The following C2orf81 variants were observed in gnomAD, a reference collection of about 807,000 sequenced individuals.
C2orf81 encodes the protein uncharacterized protein C2orf81.
Under a neutral mutation model 7.9 loss-of-function variants are expected in C2orf81, and 5 were observed. The observed-to-expected ratio is 0.63, with a 90% CI of 0.33 to 1.33. C2orf81 has a LOEUF of 1.33. Among genes scored for constraint, C2orf81 ranks in the 40% most tolerant of loss-of-function variants. The pLI, the probability that C2orf81 is intolerant of heterozygous loss-of-function variation, is 0.05. For missense variants in C2orf81, 781 were observed against 830.4 expected (o/e 0.94, Z 0.73); for synonymous variants, 346 against 367.4 (o/e 0.94, Z 0.66).
At chr2:74,417,987 G>T in intron 1 of C2orf81, 1 of 492,916 alleles carries the variant, frequency 2.0e-6, no homozygotes. Flanking sequence ...GTGTTGTGTA[G>T]TGTGGTGGTG....
rs1365502887 is a variant in C2orf81 at position 74,414,746 on chromosome 2, G to A, written c.1431C>T (p.Ile477=). Residue 477 remains isoleucine, a synonymous_variant, in exon 3 of 3, where the codon ATC becomes ATT. Coordinates refer to ENST00000684111, the MANE Select transcript of C2orf81 (RefSeq NM_001316764.3). The surrounding 1 kb of genome is among the most constrained non-coding windows in gnomAD (Gnocchi z 5.3). ...GCACCGGGTGTGTGGTGAGGAAGCG[G>A]ATCCTGGAGTTTGGGAGTGGCAGCT... is the stretch of plus-strand genomic sequence containing the variant. ...ESKLPLPNSR[I]RFLTTHPVLP... The A allele has an allele frequency of 1.3e-6, 2 of 1,550,550 alleles. No individual in the cohort carries two copies. The highest frequency in any genetic ancestry group is 2.7e-5 in the African/African-American group (2 of 73,048).
chr2:74,416,459 G>T, intron 1 of C2orf81: 1 of 335,308 alleles, frequency 3.0e-6, no homozygotes, highest in Non-Finnish European at 5.8e-6. Context: ...AAACTGAAGT[G>T]GGGAGGCTGA....
At chr2:74,420,356 G>A (rs1040345995) in intron 1 of C2orf81, among the ~76,000 whole-genome samples, 6 of 151,688 alleles carry the variant, frequency 4.0e-5, no homozygotes, top group African/African-American at 1.5e-4. Context: ...CAATCTCTTG[G>A]GAGCTCCCTC....
chr2:74,415,021 C>T lies in C2orf81; in HGVS notation c.1156G>A (p.Val386Met), dbSNP rs759661790. The T allele has an allele frequency of 2.1e-5, 33 of 1,548,736 alleles. 2 individuals are homozygous for T. In the South Asian group the frequency reaches 3.9e-4, roughly 18 times the overall value. The change falls in exon 3 of 3, where the codon GTG (valine) becomes ATG (methionine). Residue 386 changes from valine to methionine, a missense_variant. Coordinates refer to ENST00000684111, the MANE Select transcript of C2orf81 (RefSeq NM_001316764.3). The surrounding 1 kb of genome is among the most constrained non-coding windows in gnomAD (Gnocchi z 5.5). ...ACCAGGACCTCAGCCAGAGGGCGCA[C>T]CCAGTGGCACGGGAGCCTCGCAGGG... ...LDPARLPCHW[V>M]RPLAEVLVPD...
rs1157136415 is a variant in C2orf81 at position 74,415,937 on chromosome 2, C to T, written c.250-10G>A. The T allele has an allele frequency of 7.1e-6, 11 of 1,546,248 alleles. No homozygotes were observed. The East Asian group carries it at 2.7e-4, about 38-fold the overall frequency. ...TGGTGAATGGAATGCACTGCGGAGG[C>T]GAGAGAGGATCTCAGGTCGGCAGGG... is the stretch of plus-strand genomic sequence containing the variant. On this transcript the variant is annotated splice_polypyrimidine_tract_variant and intron_variant, in intron 2 of 2. Coordinates refer to ENST00000684111, the MANE Select transcript of C2orf81 (RefSeq NM_001316764.3). This position sits in a 1 kb window ranked among gnomAD's most constrained non-coding sequence, Gnocchi z 5.5.
At position 74,416,037 on chromosome 2, in the gene C2orf81, C is replaced by G; in HGVS notation, c.223G>C (p.Ala75Pro). 1 of 1,549,976 alleles carries G rather than the reference C, an allele frequency of 6.5e-7. No individual in the cohort carries two copies. Among genetic ancestry groups the G allele is most frequent in the Non-Finnish European group, 8.7e-7 (1 of 1,146,824 alleles). ...ADLLARVMDS[A>P]FKVYLTQQCI... Reference sequence around the variant, plus strand: ...TGCTGAGTCAGGTAGACTTTGAAAGCAGAGTCCATGACTCGAGCCAGCAAG... The same window carrying G: ...TGCTGAGTCAGGTAGACTTTGAAAGGAGAGTCCATGACTCGAGCCAGCAAG... The change falls in exon 2 of 3, where the codon GCT (alanine) becomes CCT (proline). Residue 75 changes from alanine (A) to proline (P), a missense_variant. Transcript: ENST00000684111.
At chr2:74,420,873 C>T (rs937256141) in intron 1 of C2orf81, among the ~76,000 whole-genome samples, 3 of 149,958 alleles carry the variant, frequency 2.0e-5, no homozygotes, top group African/African-American at 7.5e-5. Context: ...CTCCGCCTCC[C>T]GAGTTCAAGC....
At position 74,418,549 on chromosome 2, in the gene C2orf81, G is replaced by C. The variant is rs148213870; in HGVS notation, c.19-2308C>G. On this transcript the variant is annotated intron_variant, in intron 1 of 2. Transcript: ENST00000684111. ...TTTGCCGGGAGCAGCGGTGCTGGGCGCTGAGGACAGGCCAGTCTCCACCGC... is the reference window on the plus strand; with the variant it reads ...TTTGCCGGGAGCAGCGGTGCTGGGCCCTGAGGACAGGCCAGTCTCCACCGC... 5,695 of 768,612 alleles carry C rather than the reference G, an allele frequency of 7.4e-3. 32 individuals are homozygous for C. The highest frequency in any genetic ancestry group is 9.6e-3 in the Middle Eastern group (39 of 4,052). The allele number at this position is 768,612 out of a possible 1,614,324, so 47.6% of individuals were successfully genotyped here.
chr2:74,421,508 G>A (rs1676614184), intron 1 of C2orf81, 35 bp downstream of exon 1: 2 of 378,736 alleles, frequency 5.3e-6, no homozygotes, highest in Admixed American at 9.2e-5. Flanking sequence ...GGCCGACCCT[G>A]GCTCTGGCGC....
At chr2:74,420,517 A>C (rs1461275121) in intron 1 of C2orf81, among the ~76,000 whole-genome samples, 3 of 152,156 alleles carry the variant, frequency 2.0e-5, no homozygotes, top group Admixed American at 1.3e-4. Context: ...CTGTTTCCTA[A>C]GTCTTGCAGA....
rs1251299503 is a variant in C2orf81, at chr2:74,416,162, G to T, written c.98C>A (p.Pro33Gln). 6.7e-7 allele frequency: 1 copy of T among 1,495,006 alleles called. No homozygotes were observed. Among genetic ancestry groups the T allele is most frequent in the Non-Finnish European group, 9.0e-7 (1 of 1,111,806 alleles). 92.6% of individuals were successfully genotyped at this position (1,495,006 alleles called of 1,614,324 possible). A position where few individuals can be genotyped will look rare whatever the true frequency, so the allele number is the denominator to read the frequency against. ...EKVRPPTVPV[P>Q]QVDIVPGRLS... ...CCGCCCAGGCACAATATCCACCTGC[G>T]GCACTGGCACAGTGGGCGGCCGCAC... The change falls in exon 2 of 3, where the codon CCG becomes CAG. Residue 33 changes from proline (P) to glutamine (Q), a missense_variant. By Grantham distance (76) the Pro-to-Gln change is moderately conservative. Transcript: ENST00000684111.
At position 74,414,486 on chromosome 2, in the gene C2orf81, G is replaced by C. The variant is rs776687507; in HGVS notation, c.1691C>G (p.Pro564Arg). The C allele has an allele frequency of 3.2e-6, 5 of 1,550,734 alleles. No homozygotes were observed. The highest frequency in any genetic ancestry group is 4.4e-6 in the Non-Finnish European group (5 of 1,146,368). The change falls in exon 3 of 3, where the codon CCA (proline) becomes CGA (arginine). Residue 564 changes from proline (P) to arginine (R), a missense_variant. Coordinates refer to ENST00000684111, the MANE Select transcript of C2orf81 (RefSeq NM_001316764.3). This position sits in a 1 kb window ranked among gnomAD's most constrained non-coding sequence, Gnocchi z 5.3. ...ACCAGGGGCCAGCTTCAGGGCTTCTGGCAGCAACACGGGCTTCCACATCAC... is the reference window on the plus strand; with the variant it reads ...ACCAGGGGCCAGCTTCAGGGCTTCTCGCAGCAACACGGGCTTCCACATCAC... ...SQVMWKPVLL[P>R]EALKLAPGVS...
rs1395671649 is a variant in C2orf81 at position 74,416,136 on chromosome 2, G to A, written c.124C>T (p.Leu42Phe). The change falls in exon 2 of 3, where the codon CTC becomes TTC. Residue 42 changes from leucine (L) to phenylalanine (F), a missense_variant. By Grantham distance (22) the Leu-to-Phe change is conservative. Coordinates refer to ENST00000684111, the MANE Select transcript of C2orf81 (RefSeq NM_001316764.3). ...VPQVDIVPGR[L>F]SEAEWMALTA... is the part of the protein sequence containing the mutation. ...AGCGCCATCCACTCGGCCTCACTGA[G>A]CCGCCCAGGCACAATATCCACCTGC... 3 of 1,522,624 alleles carry A rather than the reference G, an allele frequency of 2.0e-6. No homozygotes were observed. The highest frequency in any genetic ancestry group is 2.4e-5 in the South Asian group (2 of 82,996). 94.3% of individuals were successfully genotyped at this position (1,522,624 alleles called of 1,614,324 possible).
At position 74,415,649 on chromosome 2, in the gene C2orf81, C is replaced by A. The variant is rs763631623; in HGVS notation, c.528G>T (p.Pro176=). Residue 176 remains proline, a synonymous_variant, in exon 3 of 3, where the codon CCG becomes CCT. Transcript: ENST00000684111. The surrounding 1 kb of genome is among the most constrained non-coding windows in gnomAD (Gnocchi z 5.5). ...GAAATGCACTCGGGCAGTGAGATGT[C>A]GGAAAGGGGAGAGCAGGAGCAATGG... ...SSAIAPALPF[P]TSHCPSAFPQ... 6.4e-7 allele frequency: 1 copy of A among 1,551,146 alleles called. No individual in the cohort carries two copies. Among genetic ancestry groups the A allele is most frequent in the South Asian group, 1.2e-5 (1 of 84,058 alleles).
Position 74,415,424 on chromosome 2 carries a change from G to A in C2orf81, c.753C>T (p.Ser251=). ...EEADGQSRGL[S]SAGSLSASFQ... ...AGCTCGCGCTCAAGGACCCGGCCGA[G>A]GAGAGGCCTCTAGACTGGCCGTCCG... Residue 251 remains serine, a synonymous_variant, in exon 3 of 3, where the codon TCC becomes TCT. Transcript: ENST00000684111. The surrounding 1 kb of genome is among the most constrained non-coding windows in gnomAD (Gnocchi z 5.5). 1.3e-6 allele frequency: 2 copies of A among 1,532,784 alleles called. No homozygotes were observed. Among genetic ancestry groups the A allele is most frequent in the East Asian group, 2.5e-5 (1 of 40,540 alleles). The allele number at this position is 1,532,784 out of a possible 1,614,324, so 94.9% of individuals were successfully genotyped here. A position where few individuals can be genotyped will look rare whatever the true frequency, so the allele number is the denominator to read the frequency against.
In C2orf81 at chr2:74,415,025, G is replaced by C. The variant is rs939163463; in HGVS notation, c.1152C>G (p.His384Gln). The change falls in exon 3 of 3, where the codon CAC becomes CAG. Residue 384 changes from histidine (H) to glutamine (Q), a missense_variant. His to Gln is a conservative substitution (Grantham distance 24). Coordinates refer to ENST00000684111, the MANE Select transcript of C2orf81 (RefSeq NM_001316764.3). This position sits in a 1 kb window ranked among gnomAD's most constrained non-coding sequence, Gnocchi z 5.5. ...GGACCTCAGCCAGAGGGCGCACCCA[G>C]TGGCACGGGAGCCTCGCAGGGTCCA... The part of the protein sequence containing the change: ...KRLDPARLPC[H>Q]WVRPLAEVLV... 12 of 1,548,710 alleles carry C rather than the reference G, an allele frequency of 7.7e-6. No homozygotes were observed. The highest frequency in any genetic ancestry group is 9.6e-6 in the Non-Finnish European group (11 of 1,146,058).
intron 1 of C2orf81, chr2:74,417,301 C>G (rs751399791): frequency 1.6e-6 from 2 of 1,215,412 alleles, no homozygotes; most frequent in Non-Finnish European, 2.2e-6. Context: ...AGGAAAATGG[C>G]CAAGTGGTAG....
intron 1 of C2orf81, 86 bp downstream of exon 1, chr2:74,421,457 C>A (rs541418089): frequency 1.2e-4 from 38 of 305,170 alleles, no homozygotes; most frequent in African/African-American, 7.7e-4. Flanking sequence ...GGGCACTGGG[C>A]GGCCCAGAGC....
rs1676378386 is a variant in C2orf81 at position 74,414,419 on chromosome 2, A to G, written c.1758T>C (p.Ser586=). The G allele has an allele frequency of 6.5e-7, 1 of 1,550,274 alleles. No homozygotes were observed. Among genetic ancestry groups the G allele is most frequent in the South Asian group, 1.2e-5 (1 of 83,914 alleles). Residue 586 remains serine (S), a synonymous_variant, in exon 3 of 3, where the codon TCT becomes TCC. Transcript: ENST00000684111. The surrounding 1 kb of genome is among the most constrained non-coding windows in gnomAD (Gnocchi z 5.3). ...CTTTGTCCTCTTGTTCAGGCACACC[A>G]GAGCTGAGCAACACCTGGGTGCTCC... ...WNRSTQVLLS[S]GVPEQEDKEG...
Sources: allele counts gnomAD v4.1 joint callset (sites outside exome capture counted in the v4.1 genomes callset), GRCh38; gene constraint gnomAD v4.1.1; non-coding constraint Gnocchi (gnomAD v3.1); transcripts MANE v1.5; gene names NCBI Gene and HGNC (gene_info 2026-07-23, HGNC 2026-07-21).